The following STPG2 variants were observed in gnomAD, a reference collection of about 807,000 sequenced individuals.
The protein encoded by STPG2 is sperm-tail PG-rich repeat-containing protein 2.
STPG2 carries 56 observed loss-of-function variants against 54.2 expected under a neutral mutation model. The observed-to-expected ratio is 1.03, with a 90% CI of 0.83 to 1.29. The LOEUF (loss-of-function observed/expected upper bound fraction) is 1.29, where lower values mean the gene tolerates loss of function less well. STPG2 is among the 50% of genes most tolerant of loss of function. The probability of loss-of-function intolerance (pLI) is 0.00; values close to 1 mark genes in which losing one functional copy is unlikely to be tolerated. For missense variants in STPG2, 596 were observed against 544.9 expected (o/e 1.09, Z -0.93); for synonymous variants, 200 against 181.8 (o/e 1.10, Z -0.81).
intron 5 of STPG2, among the ~76,000 whole-genome samples, chr4:98,093,084 A>G (rs1293170655): frequency 1.3e-5 from 2 of 152,240 alleles, no homozygotes; most frequent in Non-Finnish European, 2.9e-5. Flanking sequence ...ATACAAAGCT[A>G]ACACAGCAAC....
intron 9 of STPG2, among the ~76,000 whole-genome samples, chr4:97,800,154 G>A (rs919606434): frequency 1.3e-5 from 2 of 152,110 alleles, no homozygotes; most frequent in African/African-American, 4.8e-5. Flanking sequence ...GGAGTACTTT[G>A]ATCGTCTGAA....
intron 4 of STPG2, among the ~76,000 whole-genome samples, chr4:97,533,304 ACT>A (rs1731456476): frequency 6.6e-6 from 1 of 151,942 alleles, no homozygotes. Context: ...GAAAGAATAA[ACT>A]CTCATTTTTG....
At chr4:97,627,121 T>G (rs191386174) in intron 10 of STPG2, among the ~76,000 whole-genome samples, 20 of 152,282 alleles carry the variant, frequency 1.3e-4, no homozygotes, top group African/African-American at 4.6e-4. Context: ...GTCACAGTTT[T>G]TGTTCTTTAA....
At chr4:97,957,159 A>G (rs911784250) in intron 7 of STPG2, among the ~76,000 whole-genome samples, 1 of 110,020 alleles carries the variant, frequency 9.1e-6, no homozygotes. Flanking sequence ...TGAAATATAT[A>G]TGAAATATAT....
chr4:98,063,824 G>C (rs1052608425), intron 5 of STPG2, among the ~76,000 whole-genome samples: 6 of 152,204 alleles, frequency 3.9e-5, no homozygotes, highest in Admixed American at 3.9e-4. Flanking sequence ...AGGATCTCTT[G>C]AGTCCAGGAG....
intron 4 of STPG2, among the ~76,000 whole-genome samples, chr4:97,509,265 G>A (rs1426403239): frequency 1.3e-5 from 2 of 152,016 alleles, no homozygotes; most frequent in African/African-American, 4.8e-5. Flanking sequence ...TAAGAGGTCA[G>A]TGTGGAAACT....
intron 8 of STPG2, among the ~76,000 whole-genome samples, chr4:97,864,157 T>C (rs1157368539): frequency 1.3e-5 from 2 of 152,162 alleles, no homozygotes; most frequent in African/African-American, 4.8e-5. Context: ...GAAGTCAAAT[T>C]GTCCCTGTTT....
intron 10 of STPG2, among the ~76,000 whole-genome samples, chr4:97,679,542 G>C (rs1722961393): frequency 6.6e-6 from 1 of 151,300 alleles, no homozygotes; most frequent in African/African-American, 2.4e-5. Context: ...TGTCAGATGA[G>C]TAGGTTGCAA....
chr4:97,893,786 AG>A (rs1450021149), intron 8 of STPG2, among the ~76,000 whole-genome samples: 1 of 152,022 alleles, frequency 6.6e-6, no homozygotes, highest in Non-Finnish European at 1.5e-5. Context: ...GAAGATTCAG[AG>A]GTTCTGCCAA....
rs1722587486 is a variant in STPG2, at chr4:97,668,285, G to A, written c.1320+44414C>T. The stretch of plus-strand genomic sequence containing the variant: ...GGAATTAGCCAGCAGTCCTCCATAG[G>A]AAATTGCTAGGAAATGAGACTGGAA... On this transcript the variant is annotated intron_variant, in intron 10 of 10. Coordinates refer to ENST00000295268, the MANE Select transcript of STPG2 (RefSeq NM_174952.3). 2.0e-5 allele frequency among the ~76,000 whole-genome samples: 3 copies of A among 152,252 alleles called. No individual in the cohort carries two copies. In the South Asian group the frequency reaches 6.2e-4, roughly 32 times the overall value.
intron 6 of STPG2, among the ~76,000 whole-genome samples, chr4:97,980,195 T>G (rs1734628095): frequency 1.3e-5 from 2 of 152,018 alleles, no homozygotes; most frequent in African/African-American, 4.8e-5. Context: ...CCTCAAAAAT[T>G]TTTTTAAAAA....
intron 9 of STPG2, among the ~76,000 whole-genome samples, chr4:97,716,653 A>T (rs1046028749): frequency 4.0e-5 from 6 of 151,542 alleles, no homozygotes; most frequent in Non-Finnish European, 5.9e-5. Context: ...GAACAATGAG[A>T]ACACATGGAC....
chr4:97,715,464 G>A (rs114875146), intron 9 of STPG2, among the ~76,000 whole-genome samples: 60 of 151,962 alleles, frequency 3.9e-4, no homozygotes, highest in African/African-American at 1.4e-3. Context: ...CAATGCTACA[G>A]GGCAAAAATG....
At chr4:97,575,838 G>C (rs1202614230) in intron 10 of STPG2, among the ~76,000 whole-genome samples, 1 of 152,090 alleles carries the variant, frequency 6.6e-6, no homozygotes, top group African/African-American at 2.4e-5. Flanking sequence ...TCTTTTCACT[G>C]ACAATATGAT....
chr4:98,004,095 C>T (rs1007302541), intron 5 of STPG2, among the ~76,000 whole-genome samples: 1 of 152,014 alleles, frequency 6.6e-6, no homozygotes, highest in African/African-American at 2.4e-5. Flanking sequence ...TATACTATAA[C>T]ATTAGATCTT....
At position 98,006,868 on chromosome 4, in the gene STPG2, CACATGG is replaced by C. The variant is rs1271690632; in HGVS notation, c.613-25556_613-25551del. ...GAAAAAGGTGGGTCCCACACCTGTTCACATGGACCATGCATTTGGGCCATCCTTCCC... is the reference window on the plus strand; with the variant it reads ...GAAAAAGGTGGGTCCCACACCTGTTCACCATGCATTTGGGCCATCCTTCCC... On this transcript the variant is annotated intron_variant, in intron 5 of 10. Transcript: ENST00000295268. 2.0e-5 allele frequency among the ~76,000 whole-genome samples: 3 copies of C among 152,262 alleles called. No individual in the cohort carries two copies. The East Asian group carries it at 5.8e-4, about 30-fold the overall frequency.
intron 8 of STPG2, among the ~76,000 whole-genome samples, chr4:97,888,066 G>T (rs1280244016): frequency 6.6e-6 from 1 of 152,214 alleles, no homozygotes; most frequent in East Asian, 1.9e-4. Flanking sequence ...CCTCCACCTA[G>T]ATTTCAGAGA....
At chr4:97,937,869 G>A (rs554410742) in intron 8 of STPG2, among the ~76,000 whole-genome samples, 191 of 152,272 alleles carry the variant, frequency 1.3e-3, no homozygotes, top group African/African-American at 4.3e-3. Flanking sequence ...TGGGGTGGGC[G>A]CAGGAACCAA....
chr4:98,106,031 G>C lies in STPG2; in HGVS notation c.534C>G (p.Ile178Met). 6.6e-7 allele frequency: 1 copy of C among 1,516,700 alleles called. No homozygotes were observed. Among genetic ancestry groups the C allele is most frequent in the South Asian group, 1.2e-5 (1 of 84,032 alleles). The allele number at this position is 1,516,700 out of a possible 1,614,324, so 94.0% of individuals were successfully genotyped here. A position where few individuals can be genotyped will look rare whatever the true frequency, so the allele number is the denominator to read the frequency against. The stretch of plus-strand genomic sequence containing the variant: ...AATAATTTTGTTGTTGATCTCTCTT[G>C]ATGTTAACATTTTCATAATATGATG... Reference protein sequence around the residue: ...KKTSYYENVNIKRDQQQNYCS... With the variant: ...KKTSYYENVNMKRDQQQNYCS... The change falls in exon 5 of 11, where the codon ATC becomes ATG. Residue 178 changes from isoleucine to methionine, a missense_variant. Ile to Met is a conservative substitution (Grantham distance 10, BLOSUM62 1). Coordinates refer to ENST00000295268, the MANE Select transcript of STPG2 (RefSeq NM_174952.3).
Sources: allele counts gnomAD v4.1 joint callset (sites outside exome capture counted in the v4.1 genomes callset), GRCh38; gene constraint gnomAD v4.1.1; transcripts MANE v1.5; gene names NCBI Gene and HGNC (gene_info 2026-07-23, HGNC 2026-07-21).